GRID2: variants seen among roughly 807,000 people sequenced by gnomAD.
GRID2 encodes glutamate receptor ionotropic, delta-2.
A neutral mutation model predicts 114.8 loss-of-function variants in GRID2; 33 were observed. That is an observed-to-expected ratio of 0.29 (90% CI 0.22 to 0.38). The LOEUF (loss-of-function observed/expected upper bound fraction) is 0.38. Among genes scored for constraint, GRID2 ranks in the 10% least tolerant of loss-of-function variants. The pLI is 1.00. For synonymous variants in GRID2, 505 were observed against 449.9 expected (o/e 1.12, Z -1.55); for missense variants, 1,184 against 1,257.7 (o/e 0.94, Z 0.89).
At chr4:92,826,750 T>G (rs569538364) in intron 2 of GRID2, among the ~76,000 whole-genome samples, 1 of 152,264 alleles carries the variant, frequency 6.6e-6, no homozygotes, top group Admixed American at 6.6e-5. Flanking sequence ...GTACAAAACC[T>G]TATATTGATT....
At chr4:93,511,895 C>G (rs745562733) in intron 12 of GRID2, among the ~76,000 whole-genome samples, 4 of 151,912 alleles carry the variant, frequency 2.6e-5, no homozygotes, top group Non-Finnish European at 4.4e-5. Flanking sequence ...AGCAATTCTA[C>G]CTCAGCCTCC....
chr4:92,517,412 T>C (rs560453391), intron 1 of GRID2, among the ~76,000 whole-genome samples: 3 of 152,080 alleles, frequency 2.0e-5, no homozygotes, highest in African/African-American at 4.8e-5. Context: ...AAAGTGTTCA[T>C]ACCTTTGAGG....
At chr4:93,133,693 T>C (rs1333678129) in intron 4 of GRID2, among the ~76,000 whole-genome samples, 1 of 152,134 alleles carries the variant, frequency 6.6e-6, no homozygotes, top group African/African-American at 2.4e-5. Context: ...TTGTACAGCA[T>C]TGCACAACAT....
downstream of GRID2, among the ~76,000 whole-genome samples, chr4:93,778,844 A>T (rs6848798): frequency 0.38 from 58,365 of 151,986 alleles, 11,987 homozygotes; most frequent in East Asian, 0.75. Context: ...AACTCTATTC[A>T]CACATGATGT....
intron 14 of GRID2, among the ~76,000 whole-genome samples, chr4:93,638,099 T>C (rs942330871): frequency 2.6e-5 from 4 of 152,138 alleles, no homozygotes; most frequent in Non-Finnish European, 5.9e-5. Flanking sequence ...GTGAACGTAG[T>C]TCTCTGTTTT....
intron 2 of GRID2, among the ~76,000 whole-genome samples, chr4:93,015,658 T>C (rs1307623439): frequency 1.3e-5 from 2 of 152,136 alleles, no homozygotes; most frequent in Admixed American, 6.6e-5. Flanking sequence ...ATTTTCATCA[T>C]GGAACACAAA....
chr4:92,512,732 A>G (rs1196860168), intron 1 of GRID2, among the ~76,000 whole-genome samples: 1 of 151,850 alleles, frequency 6.6e-6, no homozygotes, highest in African/African-American at 2.4e-5. Context: ...TAGATATTTT[A>G]GCTTATATCT....
intron 1 of GRID2, among the ~76,000 whole-genome samples, chr4:92,309,121 T>C (rs1725568306): frequency 6.6e-6 from 1 of 151,990 alleles, no homozygotes; most frequent in Non-Finnish European, 1.5e-5. Flanking sequence ...TTAAGCCAAA[T>C]AGGAATAAAA....
chr4:93,780,441 G>A (rs2110350170), intron 1 of GRID2, among the ~76,000 whole-genome samples: 1 of 152,294 alleles, frequency 6.6e-6, no homozygotes, highest in Admixed American at 6.5e-5. Flanking sequence ...CACATTACAA[G>A]GCTTTGTAGG....
At chr4:92,456,897 A>C (rs1388590454) in intron 1 of GRID2, among the ~76,000 whole-genome samples, 1 of 152,142 alleles carries the variant, frequency 6.6e-6, no homozygotes, top group East Asian at 1.9e-4. Flanking sequence ...TTTCTTCTTA[A>C]ATAACAGGTA....
At chr4:92,441,765 T>C (rs1372337592) in intron 1 of GRID2, among the ~76,000 whole-genome samples, 1 of 151,950 alleles carries the variant, frequency 6.6e-6, no homozygotes, top group Non-Finnish European at 1.5e-5. Context: ...AAGGGGTGCA[T>C]GATCGGTCGC....
intron 1 of GRID2, among the ~76,000 whole-genome samples, chr4:92,517,924 C>A: frequency 6.6e-6 from 1 of 151,232 alleles, no homozygotes. Context: ...AACAAAAAAC[C>A]AAAAAAACCC....
chr4:92,392,617 G>T (rs907393467), intron 1 of GRID2, among the ~76,000 whole-genome samples: 1 of 151,958 alleles, frequency 6.6e-6, no homozygotes, highest in African/African-American at 2.4e-5. Context: ...GCATAATTCA[G>T]TATGTACCCC....
At chr4:92,590,375 C>A in intron 2 of GRID2, 89 bp downstream of exon 2, 1 of 896,968 alleles carries the variant, frequency 1.1e-6, no homozygotes, top group South Asian at 1.7e-5. Flanking sequence ...ACATGGACAT[C>A]ATTTTTGTAT....
chr4:93,638,297 G>T (rs1721602988), intron 14 of GRID2, among the ~76,000 whole-genome samples: 2 of 87,412 alleles, frequency 2.3e-5, no homozygotes, highest in African/African-American at 6.1e-5. Context: ...TTTAAAACTT[G>T]CATCTTTTTT....
chr4:93,754,181 CTT>C lies in GRID2; in HGVS notation c.2361-15028_2361-15027del, dbSNP rs139847049. Among the ~76,000 whole-genome samples the C allele has an allele frequency of 3.4e-3, 514 of 152,220 alleles. 19 individuals carry two copies. The East Asian group carries it at 0.095, about 28-fold the overall frequency. ...GGTGTTATAATCTTATGGGACCACT[CTT>C]ATATATATGGTCTGTCAGTGACCAA... On this transcript the variant is annotated intron_variant, in intron 14 of 15. Coordinates refer to ENST00000282020, the MANE Select transcript of GRID2 (RefSeq NM_001510.4).
intron 2 of GRID2, among the ~76,000 whole-genome samples, chr4:93,054,750 A>T (rs1727063162): frequency 6.6e-6 from 1 of 151,964 alleles, no homozygotes; most frequent in South Asian, 2.1e-4. Flanking sequence ...CATTTTGAAT[A>T]TGGAAATATA....
At chr4:92,917,455 T>C (rs1748903811) in intron 2 of GRID2, among the ~76,000 whole-genome samples, 1 of 152,226 alleles carries the variant, frequency 6.6e-6, no homozygotes, top group Non-Finnish European at 1.5e-5. Context: ...TCCTGAATGG[T>C]ATTGCATAGG....
chr4:93,788,316 C>CAAA (rs78420940), intron 1 of GRID2, among the ~76,000 whole-genome samples: 1 of 143,324 alleles, frequency 7.0e-6, no homozygotes. Context: ...AGACTCCGCT[C>CAAA]AAAAAAAAAA....
Sources: allele counts gnomAD v4.1 joint callset (sites outside exome capture counted in the v4.1 genomes callset), GRCh38; gene constraint gnomAD v4.1.1; transcripts MANE v1.5; gene names NCBI Gene and HGNC (gene_info 2026-07-23, HGNC 2026-07-21).